SLC14A2: variants seen among roughly 807,000 people sequenced by gnomAD.
SLC14A2 encodes the protein urea transporter 2.
In SLC14A2, 91 loss-of-function variants were observed where a neutral mutation model predicts 104.6. The ratio of observed to expected loss-of-function variants is 0.87; its 90% CI spans 0.73 to 1.04. The LOEUF (loss-of-function observed/expected upper bound fraction) is 1.04, where lower values mean the gene tolerates loss of function less well. Among genes scored for constraint, SLC14A2 ranks in the 50% least tolerant of loss-of-function variants. SLC14A2 has a pLI of 0.00. For synonymous variants in SLC14A2, 476 were observed against 466.4 expected, an observed-to-expected ratio of 1.02 and a Z score of -0.27; for missense variants, 1,189 against 1,156.0, an observed-to-expected ratio of 1.03 and a Z score of -0.41.
chr18:45,540,577 T>C (rs2043870420), intron 2 of SLC14A2, among the ~76,000 whole-genome samples: 1 of 152,048 alleles, frequency 6.6e-6, no homozygotes, highest in Non-Finnish European at 1.5e-5. Context: ...ACCTCATCTC[T>C]ACTAAAAATA....
At chr18:45,364,552 G>A (rs1434997197) in intron 1 of SLC14A2, among the ~76,000 whole-genome samples, 5 of 152,186 alleles carry the variant, frequency 3.3e-5, no homozygotes, top group African/African-American at 4.8e-5. Flanking sequence ...GTATATGTGT[G>A]TATACACAAA....
chr18:45,182,695 A>G, the SLC14A2 span, among the ~76,000 whole-genome samples: 8 of 152,084 alleles, frequency 5.3e-5, no homozygotes, highest in Non-Finnish European at 8.8e-5. Context: ...TAAAGCAACA[A>G]CAAAAAATAT....
At chr18:45,181,348 GCT>G in the SLC14A2 span, 1 of 152,192 alleles carries the variant, frequency 6.6e-6, no homozygotes, top group Non-Finnish European at 1.5e-5. Flanking sequence ...CATTTCAGAG[GCT>G]CTCTTTGGAT....
At chr18:45,181,154 T>C in the SLC14A2 span, 1 of 152,582 alleles carries the variant, frequency 6.6e-6, no homozygotes, top group Admixed American at 6.5e-5. Flanking sequence ...CACCAACCGA[T>C]TGCTCTCTCA....
At chr18:45,512,852 C>T (rs776997492) in intron 2 of SLC14A2, among the ~76,000 whole-genome samples, 5 of 152,162 alleles carry the variant, frequency 3.3e-5, no homozygotes, top group Non-Finnish European at 7.4e-5. Context: ...AATTCCCAGA[C>T]ATCATTTCTC....
chr18:45,657,586 A>G (rs866300028), intron 10 of SLC14A2, among the ~76,000 whole-genome samples: 10 of 152,100 alleles, frequency 6.6e-5, no homozygotes, highest in Admixed American at 6.5e-5. Flanking sequence ...AAGAAAAGAA[A>G]AAAGAAAGAA....
intron 1 of SLC14A2, among the ~76,000 whole-genome samples, chr18:45,289,886 C>T (rs1199559797): frequency 2.6e-5 from 4 of 152,178 alleles, no homozygotes; most frequent in Non-Finnish European, 2.9e-5. Flanking sequence ...GAGAAGATCA[C>T]TCAGTGGCCT....
In SLC14A2 at chr18:45,318,288, G is replaced by T. The variant is rs149882284; in HGVS notation, c.-125+105097G>T. ...CAGAAGCACTTAGGGAAAGCAGCCT[G>T]CTCCTTCCCTTCCATGTGAGAGGAG... On this transcript the variant is annotated intron_variant, in intron 1 of 20. Transcript: ENST00000586448. 2.0e-3 allele frequency among the ~76,000 whole-genome samples: 312 copies of T among 152,200 alleles called. 1 individual carries two copies. Among genetic ancestry groups the T allele is most frequent in the Middle Eastern group, 0.01 (3 of 294 alleles).
At chr18:45,449,585 T>C (rs2144607684) in intron 1 of SLC14A2, among the ~76,000 whole-genome samples, 1 of 152,234 alleles carries the variant, frequency 6.6e-6, no homozygotes, top group Non-Finnish European at 1.5e-5. Context: ...CTCACCCAGT[T>C]TTCCCTGACC....
intron 4 of SLC14A2, among the ~76,000 whole-genome samples, chr18:45,627,820 G>C (rs1172827222): frequency 2.6e-5 from 4 of 152,010 alleles, no homozygotes; most frequent in Non-Finnish European, 5.9e-5. Context: ...AGCCAGTCTG[G>C]CCAACATGGT....
At chr18:45,173,948 A>G in the SLC14A2 span, among the ~76,000 whole-genome samples, 1 of 152,154 alleles carries the variant, frequency 6.6e-6, no homozygotes, top group Non-Finnish European at 1.5e-5. Flanking sequence ...GATTAAGATC[A>G]AAGTCACCTG....
intron 2 of SLC14A2, among the ~76,000 whole-genome samples, chr18:45,511,421 C>A (rs2043364366): frequency 6.6e-6 from 1 of 152,130 alleles, no homozygotes; most frequent in South Asian, 2.1e-4. Flanking sequence ...CACTAGAAGA[C>A]CCTTGTCCCC....
intron 2 of SLC14A2, among the ~76,000 whole-genome samples, chr18:45,508,704 C>T (rs1296859738): frequency 6.6e-6 from 1 of 152,102 alleles, no homozygotes; most frequent in Non-Finnish European, 1.5e-5. Context: ...GATGGGTCAC[C>T]CAATCTTCTG....
At chr18:45,564,299 G>A (rs141477894) in intron 2 of SLC14A2, among the ~76,000 whole-genome samples, 19 of 152,296 alleles carry the variant, frequency 1.2e-4, no homozygotes, top group African/African-American at 4.6e-4. Context: ...AGTAGCTTCT[G>A]GCTCTGGGCA....
In SLC14A2 at chr18:45,627,000, G is replaced by A. The variant is rs878929149; in HGVS notation, c.374G>A (p.Gly125Glu). Residue 125 changes from glycine (G) to glutamate (E), a missense_variant, in exon 4 of 20, where the codon GGG (glycine) becomes GAG (glutamate). Gly to Glu is a moderately conservative substitution (Grantham distance 98). Coordinates refer to ENST00000255226, the MANE Select transcript of SLC14A2 (RefSeq NM_007163.4). ...ALQFIDWVLR[G>E]TAQVMFINNP... ...CAGTTCATAGACTGGGTCCTGAGAG[G>A]GACCGCTCAGGTGATGTTCATCAAC... is the stretch of plus-strand genomic sequence containing the variant. 6.2e-7 allele frequency: 1 copy of A among 1,612,624 alleles called. No homozygotes were observed. The highest frequency in any genetic ancestry group is 8.5e-7 in the Non-Finnish European group (1 of 1,179,970).
intron 2 of SLC14A2, among the ~76,000 whole-genome samples, chr18:45,530,006 T>C (rs935414660): frequency 6.6e-6 from 1 of 152,172 alleles, no homozygotes; most frequent in African/African-American, 2.4e-5. Context: ...AAGAGGACCT[T>C]GCCTGCTTAG....
intron 9 of SLC14A2, among the ~76,000 whole-genome samples, chr18:45,643,427 C>G (rs1040308951): frequency 6.6e-6 from 1 of 152,184 alleles, no homozygotes. Context: ...CAGTGGAAAA[C>G]ACGACGGACA....
At chr18:45,320,380 A>G (rs1482499165) in intron 1 of SLC14A2, among the ~76,000 whole-genome samples, 2 of 152,224 alleles carry the variant, frequency 1.3e-5, no homozygotes, top group African/African-American at 2.4e-5. Context: ...GTCCAATCAC[A>G]TAAGTCACAA....
chr18:45,572,259 C>T (rs910819438), intron 2 of SLC14A2, among the ~76,000 whole-genome samples: 17 of 152,284 alleles, frequency 1.1e-4, no homozygotes, highest in East Asian at 7.7e-4. Context: ...AACTACCTTC[C>T]GTCTTCTTTC....
Sources: allele counts gnomAD v4.1 joint callset (sites outside exome capture counted in the v4.1 genomes callset), GRCh38; gene constraint gnomAD v4.1.1; transcripts MANE v1.5; gene names NCBI Gene and HGNC (gene_info 2026-07-23, HGNC 2026-07-21).